Variants in RBFOX1 observed in about 807,000 individuals in gnomAD.
RBFOX1 encodes RNA binding fox-1 homolog 1.
Under a neutral mutation model 57.7 loss-of-function variants are expected in RBFOX1, and 8 were observed. The observed-to-expected ratio is 0.14, with a 90% CI of 0.08 to 0.25. The LOEUF is 0.25. Among genes scored for constraint, RBFOX1 ranks in the 10% least tolerant of loss-of-function variants. RBFOX1 has a pLI of 1.00. For missense variants in RBFOX1, 611 were observed against 548.5 expected (o/e 1.11, Z -1.14); for synonymous variants, 326 against 222.4 (o/e 1.47, Z -4.15).
At chr16:6,691,378 C>T (rs1244215878) in intron 3 of RBFOX1, among the ~76,000 whole-genome samples, 2 of 152,162 alleles carry the variant, frequency 1.3e-5, no homozygotes, top group African/African-American at 2.4e-5. Context: ...CTTCTCTGTC[C>T]ATTTCCACCT....
At chr16:6,618,349 A>G (rs990378158) in intron 2 of RBFOX1, among the ~76,000 whole-genome samples, 6 of 152,224 alleles carry the variant, frequency 3.9e-5, no homozygotes, top group African/African-American at 1.4e-4. Flanking sequence ...CCCTTAGCAT[A>G]TATAAAGCCA....
intron 2 of RBFOX1, among the ~76,000 whole-genome samples, chr16:5,508,366 C>T (rs72761052): frequency 0.026 from 3,929 of 152,294 alleles, 66 homozygotes; most frequent in Middle Eastern, 0.075. Context: ...CCAATGCGGC[C>T]ACTTGTTGCA....
chr16:7,334,046 C>T (rs146637566), intron 4 of RBFOX1, among the ~76,000 whole-genome samples: 1 of 152,236 alleles, frequency 6.6e-6, no homozygotes, highest in African/African-American at 2.4e-5. Flanking sequence ...CCCTCCAGCC[C>T]CTCATAGTTA....
At chr16:6,661,069 T>C (rs977487010) in intron 3 of RBFOX1, among the ~76,000 whole-genome samples, 4 of 152,206 alleles carry the variant, frequency 2.6e-5, no homozygotes, top group Non-Finnish European at 4.4e-5. Flanking sequence ...CCTTCATATC[T>C]TGGGAGCTGT....
intron 1 of RBFOX1, among the ~76,000 whole-genome samples, chr16:6,265,048 G>A (rs2074302839): frequency 6.6e-6 from 1 of 152,028 alleles, no homozygotes; most frequent in Non-Finnish European, 1.5e-5. Context: ...TGGGGCTGAT[G>A]GTTCAAAGAT....
intron 1 of RBFOX1, among the ~76,000 whole-genome samples, chr16:6,090,304 C>A (rs1169600099): frequency 1.3e-5 from 2 of 152,128 alleles, no homozygotes; most frequent in Non-Finnish European, 2.9e-5. Flanking sequence ...TCCCTTAATT[C>A]CCTGTTGCCC....
intron 1 of RBFOX1, among the ~76,000 whole-genome samples, chr16:6,197,481 T>C (rs374693008): frequency 6.6e-6 from 1 of 152,096 alleles, no homozygotes; most frequent in East Asian, 1.9e-4. Context: ...TCATCCCTGC[T>C]CCACCTGAGC....
chr16:6,988,765 GTTT>G (rs1399946853), intron 3 of RBFOX1, among the ~76,000 whole-genome samples: 1 of 128,994 alleles, frequency 7.8e-6, no homozygotes, highest in Non-Finnish European at 1.6e-5. Flanking sequence ...TTTGTTTTTT[GTTT>G]TTTGTTTTTT....
intron 2 of RBFOX1, among the ~76,000 whole-genome samples, chr16:6,461,027 C>G (rs1423104389): frequency 6.6e-6 from 1 of 152,110 alleles, no homozygotes; most frequent in Non-Finnish European, 1.5e-5. Context: ...ACTGCATGCT[C>G]TCACTTATAA....
At chr16:6,947,212 G>T (rs1598073301) in intron 3 of RBFOX1, among the ~76,000 whole-genome samples, 1 of 152,166 alleles carries the variant, frequency 6.6e-6, no homozygotes, top group South Asian at 2.1e-4. Flanking sequence ...GTTTATGGCT[G>T]TCTTTTAGGA....
intron 2 of RBFOX1, among the ~76,000 whole-genome samples, chr16:6,479,705 T>G (rs2095340790): frequency 6.6e-6 from 1 of 151,994 alleles, no homozygotes; most frequent in Admixed American, 6.6e-5. Context: ...CCACCTGGTT[T>G]CTCCCCTTGA....
At chr16:6,184,361 G>A (rs2097091141) in intron 1 of RBFOX1, among the ~76,000 whole-genome samples, 1 of 152,148 alleles carries the variant, frequency 6.6e-6, no homozygotes, top group African/African-American at 2.4e-5. Context: ...GGAAAGGATG[G>A]AACCAGGGAA....
chr16:6,862,785 G>A (rs1398529625), intron 3 of RBFOX1, among the ~76,000 whole-genome samples: 1 of 152,100 alleles, frequency 6.6e-6, no homozygotes, highest in East Asian at 1.9e-4. Context: ...AGGAGTTGAA[G>A]ATCAGCCTGG....
At chr16:7,062,336 AAAG>A (rs548141829) in intron 4 of RBFOX1, among the ~76,000 whole-genome samples, 12,023 of 137,808 alleles carry the variant, frequency 0.087, 616 homozygotes, top group African/African-American at 0.12. Flanking sequence ...AAAAAAAAAA[AAAG>A]AAAAGAAAAA....
intron 1 of RBFOX1, among the ~76,000 whole-genome samples, chr16:6,072,474 G>A (rs55819641): frequency 1.3e-3 from 192 of 152,168 alleles, no homozygotes; most frequent in African/African-American, 4.1e-3. Context: ...CCCAGAAGTC[G>A]GATTGCTGGA....
At chr16:5,270,622 A>C in intron 1 of RBFOX1, 1 of 576,804 alleles carries the variant, frequency 1.7e-6, no homozygotes, top group Admixed American at 2.1e-5. Context: ...ACAATCAGAT[A>C]CTGAAGACCT....
chr16:6,636,857 A>G (rs1430073361), intron 2 of RBFOX1, among the ~76,000 whole-genome samples: 1 of 127,690 alleles, frequency 7.8e-6, no homozygotes, highest in African/African-American at 3.0e-5. Flanking sequence ...TATATAATAT[A>G]TAATATATAT....
chr16:5,894,614 C>T lies in RBFOX1; in HGVS notation c.351+27279C>T, dbSNP rs542273576. Among the ~76,000 whole-genome samples the T allele has an allele frequency of 1.3e-4, 20 of 152,100 alleles. 1 individual carries two copies. Among genetic ancestry groups the T allele is most frequent in the African/African-American group, 3.4e-4 (14 of 41,508 alleles). On this transcript the variant is annotated intron_variant, in intron 4 of 19. Coordinates refer to the RBFOX1 transcript ENST00000641259. ...AAAGGAGTAGACAATTAAGAACAGT[C>T]GTATATACATCAGAGCCCTGAGTTT...
At chr16:6,072,506 A>T (rs892768930) in intron 1 of RBFOX1, among the ~76,000 whole-genome samples, 2 of 152,150 alleles carry the variant, frequency 1.3e-5, no homozygotes, top group African/African-American at 2.4e-5. Context: ...TCACATTTTT[A>T]AATTTTTTTT....
Sources: gnomAD v4.1 joint callset for allele counts (sites outside exome capture counted in the v4.1 genomes callset) on GRCh38, gnomAD v4.1.1 for gene constraint, MANE v1.5 for transcripts, NCBI Gene and HGNC (gene_info 2026-07-23, HGNC 2026-07-21) for gene names.